Variants in MAD1L1 observed in about 807,000 individuals in gnomAD.
MAD1L1 encodes mitotic spindle assembly checkpoint protein MAD1.
Under a neutral mutation model 96.9 loss-of-function variants are expected in MAD1L1, and 95 were observed. The observed-to-expected ratio is 0.98, with a 90% CI of 0.83 to 1.16. The LOEUF is 1.16. Among genes scored for constraint, MAD1L1 ranks in the 50% most tolerant of loss-of-function variants. The pLI is 0.00. For synonymous variants in MAD1L1, 473 were observed against 396.6 expected, an observed-to-expected ratio of 1.19 and a Z score of -2.29; for missense variants, 1,007 against 954.4, an observed-to-expected ratio of 1.06 and a Z score of -0.73.
At chr7:1,898,414 A>C in intron 17 of MAD1L1, 24 bp from the exon 18 acceptor site, 1 of 1,608,278 alleles carries the variant, frequency 6.2e-7, no homozygotes, top group African/African-American at 1.3e-5. Context: ...GGAAGGAGAC[A>C]GTGAGTGCGG....
chr7:2,228,182 G>A (rs914211325), intron 3 of MAD1L1, among the ~76,000 whole-genome samples: 11 of 151,576 alleles, frequency 7.3e-5, no homozygotes, highest in African/African-American at 2.7e-4. Context: ...GAGCACTGGG[G>A]GCCTCCGAGC....
intron 18 of MAD1L1, among the ~76,000 whole-genome samples, chr7:1,838,083 G>T (rs918350558): frequency 1.3e-4 from 20 of 152,180 alleles, no homozygotes; most frequent in African/African-American, 1.2e-4. Flanking sequence ...TCCTAACCCC[G>T]TGCAGGGGCT....
chr7:1,858,077 G>C (rs911655544), intron 18 of MAD1L1, among the ~76,000 whole-genome samples: 3 of 152,250 alleles, frequency 2.0e-5, no homozygotes, highest in African/African-American at 7.2e-5. Flanking sequence ...GTTTCCATGT[G>C]ACTGCTTTTT....
chr7:1,935,731 C>A (rs1219022700), intron 17 of MAD1L1, among the ~76,000 whole-genome samples: 1 of 152,220 alleles, frequency 6.6e-6, no homozygotes, highest in African/African-American at 2.4e-5. Context: ...TGGGAAGAAA[C>A]AGAAGAAGGT....
At chr7:2,224,165 C>T (rs1351661795) in intron 4 of MAD1L1, among the ~76,000 whole-genome samples, 1 of 152,168 alleles carries the variant, frequency 6.6e-6, no homozygotes, top group Non-Finnish European at 1.5e-5. Context: ...CAGGGACTCT[C>T]GGCCTAGAGG....
At chr7:1,980,310 C>T in intron 15 of MAD1L1, 143 bp downstream of exon 15, 1 of 680,304 alleles carries the variant, frequency 1.5e-6, no homozygotes, top group Non-Finnish European at 2.5e-6. Flanking sequence ...CTCCGTGGGA[C>T]ACACCTGGGC....
At chr7:2,164,919 G>A (rs1386892217) in intron 10 of MAD1L1, among the ~76,000 whole-genome samples, 1 of 152,230 alleles carries the variant, frequency 6.6e-6, no homozygotes, top group Non-Finnish European at 1.5e-5. Context: ...CCAGTGGCCG[G>A]ATCTGGAGAA....
At chr7:2,060,772 A>G (rs1562648824) in intron 12 of MAD1L1, among the ~76,000 whole-genome samples, 1 of 152,248 alleles carries the variant, frequency 6.6e-6, no homozygotes, top group African/African-American at 2.4e-5. Context: ...ACAGAACAAA[A>G]GCAGCAACAT....
intron 16 of MAD1L1, among the ~76,000 whole-genome samples, chr7:1,951,486 G>A (rs1432473536): frequency 6.6e-6 from 1 of 152,174 alleles, no homozygotes; most frequent in Non-Finnish European, 1.5e-5. Flanking sequence ...CAGCTCCCTG[G>A]CATTCAGCAC....
intron 15 of MAD1L1, among the ~76,000 whole-genome samples, chr7:1,971,873 G>A (rs1342282570): frequency 6.6e-6 from 1 of 152,306 alleles, no homozygotes; most frequent in East Asian, 1.9e-4. Flanking sequence ...ACAATTTCCG[G>A]AAGCAGGGAG....
At chr7:2,135,938 C>T (rs929506928) in intron 11 of MAD1L1, among the ~76,000 whole-genome samples, 7 of 152,200 alleles carry the variant, frequency 4.6e-5, no homozygotes, top group Non-Finnish European at 8.8e-5. Context: ...CAGGACCACG[C>T]GGCCCAACGC....
At chr7:2,226,029 G>C (rs555839371) in intron 3 of MAD1L1, among the ~76,000 whole-genome samples, 30 of 152,042 alleles carry the variant, frequency 2.0e-4, no homozygotes, top group Non-Finnish European at 3.2e-4. Context: ...CTTGCCACAC[G>C]GCCCTCTCCA....
At chr7:2,072,708 T>G (rs956626829) in intron 11 of MAD1L1, among the ~76,000 whole-genome samples, 2 of 152,256 alleles carry the variant, frequency 1.3e-5, no homozygotes, top group Non-Finnish European at 2.9e-5. Context: ...AAGGCAAGAA[T>G]GTGACAGGTG....
intron 17 of MAD1L1, among the ~76,000 whole-genome samples, chr7:1,915,464 G>C (rs1788322183): frequency 6.6e-6 from 1 of 152,188 alleles, no homozygotes; most frequent in Non-Finnish European, 1.5e-5. Flanking sequence ...GAGGTGCTGA[G>C]GACGGTCAGG....
At chr7:2,005,043 C>G (rs896789318) in intron 13 of MAD1L1, among the ~76,000 whole-genome samples, 1 of 152,184 alleles carries the variant, frequency 6.6e-6, no homozygotes, top group Non-Finnish European at 1.5e-5. Context: ...GAGCAGCTCC[C>G]GTGAGAGTGC....
chr7:1,967,677 G>A (rs1337866550), intron 15 of MAD1L1, among the ~76,000 whole-genome samples: 5 of 152,220 alleles, frequency 3.3e-5, no homozygotes, highest in Non-Finnish European at 7.3e-5. Flanking sequence ...CAGAGGACAC[G>A]AGGTGAGTCT....
At chr7:2,037,291 G>A (rs553973036) in intron 12 of MAD1L1, among the ~76,000 whole-genome samples, 1 of 151,198 alleles carries the variant, frequency 6.6e-6, no homozygotes, top group African/African-American at 2.4e-5. Flanking sequence ...CCACACCCAG[G>A]TGCCCCACTG....
chr7:1,923,742 C>A (rs1050721059), intron 17 of MAD1L1, among the ~76,000 whole-genome samples: 1 of 152,262 alleles, frequency 6.6e-6, no homozygotes, highest in African/African-American at 2.4e-5. Context: ...AACCCTGGGT[C>A]ACCTGGGAAG....
At chr7:1,877,603 T>TA (rs1219572454) in intron 18 of MAD1L1, among the ~76,000 whole-genome samples, 1 of 152,076 alleles carries the variant, frequency 6.6e-6, no homozygotes, top group Non-Finnish European at 1.5e-5. Flanking sequence ...TCAGTCTGAA[T>TA]AAAAAAAGCA....
Sources: allele counts gnomAD v4.1 joint callset (sites outside exome capture counted in the v4.1 genomes callset), GRCh38; gene constraint gnomAD v4.1.1; transcripts MANE v1.5; gene names NCBI Gene and HGNC (gene_info 2026-07-23, HGNC 2026-07-21).